The following TAFA1 variants were observed in gnomAD, a reference collection of about 807,000 sequenced individuals.
TAFA1 encodes the protein TAFA chemokine like family member 1.
Under a neutral mutation model 18.5 loss-of-function variants are expected in TAFA1, and 4 were observed. That is an observed-to-expected ratio of 0.22 (90% confidence interval 0.11 to 0.49). TAFA1 has a LOEUF of 0.49. Among genes scored for constraint, TAFA1 ranks in the 20% least tolerant of loss-of-function variants. The pLI is 0.98. For missense variants in TAFA1, 147 were observed against 169.0 expected (o/e 0.87, Z 0.72); for synonymous variants, 56 against 55.2 (o/e 1.01, Z -0.06).
intron 2 of TAFA1, among the ~76,000 whole-genome samples, chr3:68,008,633 GA>G (rs1704411190): frequency 6.6e-6 from 1 of 152,186 alleles, no homozygotes; most frequent in Non-Finnish European, 1.5e-5. Flanking sequence ...CTCAGGAGGC[GA>G]AAATGCCTCT....
chr3:68,026,928 T>A (rs1030380069), intron 2 of TAFA1, among the ~76,000 whole-genome samples: 2 of 152,128 alleles, frequency 1.3e-5, no homozygotes, highest in Non-Finnish European at 2.9e-5. Flanking sequence ...TTTCTGCTTC[T>A]GGGGAGGCCC....
At chr3:68,527,434 T>C (rs184003794) in intron 3 of TAFA1, among the ~76,000 whole-genome samples, 116 of 152,310 alleles carry the variant, frequency 7.6e-4, no homozygotes, top group African/African-American at 2.7e-3. Context: ...CTAATTGTTT[T>C]GTGTTTTATT....
At chr3:68,260,712 G>A (rs1264640536) in intron 2 of TAFA1, among the ~76,000 whole-genome samples, 1 of 152,240 alleles carries the variant, frequency 6.6e-6, no homozygotes, top group East Asian at 1.9e-4. Flanking sequence ...AAACTGGCTA[G>A]CCATATGTAG....
intron 2 of TAFA1, among the ~76,000 whole-genome samples, chr3:68,231,377 G>A (rs1455052540): frequency 9.5e-6 from 1 of 105,208 alleles, no homozygotes; most frequent in African/African-American, 3.9e-5. Flanking sequence ...TTTTTGAGAC[G>A]GAGTCTCGCT....
chr3:68,203,118 TTC>T (rs1405895197), intron 2 of TAFA1, among the ~76,000 whole-genome samples: 2 of 151,776 alleles, frequency 1.3e-5, no homozygotes, highest in African/African-American at 4.8e-5. Flanking sequence ...AATATTTCAT[TTC>T]TCTCTCTTTT....
intron 2 of TAFA1, among the ~76,000 whole-genome samples, chr3:68,333,831 A>T (rs2068923380): frequency 6.6e-6 from 1 of 152,206 alleles, no homozygotes; most frequent in African/African-American, 2.4e-5. Flanking sequence ...CTTACAAAAG[A>T]AGGAAATTCT....
At chr3:68,032,274 A>G (rs185210222) in intron 2 of TAFA1, among the ~76,000 whole-genome samples, 19 of 152,350 alleles carry the variant, frequency 1.2e-4, no homozygotes, top group Non-Finnish European at 1.9e-4. Flanking sequence ...TAAAGTATGG[A>G]GAAGAAATGT....
intron 3 of TAFA1, among the ~76,000 whole-genome samples, chr3:68,467,291 G>A (rs2071906992): frequency 6.6e-6 from 1 of 152,156 alleles, no homozygotes; most frequent in South Asian, 2.1e-4. Flanking sequence ...AGGATTAAGA[G>A]ATTAAAGTAA....
rs1469347004 is a variant in TAFA1, at chr3:68,544,411, T to C, written c.385-75T>C. The C allele has an allele frequency of 3.4e-6, 5 of 1,466,900 alleles. No homozygotes were observed. The African/African-American group carries it at 4.2e-5, about 12-fold the overall frequency. The allele number at this position is 1,466,900 out of a possible 1,614,324, so 90.9% of individuals were successfully genotyped here. A position where few individuals can be genotyped will look rare whatever the true frequency, so the allele number is the denominator to read the frequency against. On this transcript the variant is annotated intron_variant, in intron 4 of 4. Coordinates refer to ENST00000478136, the MANE Select transcript of TAFA1 (RefSeq NM_213609.4). Reference sequence around the variant, plus strand: ...CTAAAGATTCAAGGTGTCCTCCTTTTCTACATAATCACATTTCTTTGTGCC... The same window carrying C: ...CTAAAGATTCAAGGTGTCCTCCTTTCCTACATAATCACATTTCTTTGTGCC...
At chr3:68,306,567 T>G (rs1414429941) in intron 2 of TAFA1, among the ~76,000 whole-genome samples, 2 of 152,236 alleles carry the variant, frequency 1.3e-5, no homozygotes, top group Non-Finnish European at 2.9e-5. Flanking sequence ...CTGAACAGTT[T>G]CAATTTGGTC....
intron 2 of TAFA1, among the ~76,000 whole-genome samples, chr3:68,244,773 A>G (rs2067044587): frequency 6.6e-6 from 1 of 152,342 alleles, no homozygotes; most frequent in Non-Finnish European, 1.5e-5. Context: ...TGCCAGGCAT[A>G]TTTCTAAGCA....
intron 3 of TAFA1, among the ~76,000 whole-genome samples, chr3:68,420,467 G>T (rs908294586): frequency 1.3e-5 from 2 of 152,074 alleles, no homozygotes; most frequent in Non-Finnish European, 2.9e-5. Context: ...CAACCCTCCT[G>T]CCCAGGCCTA....
chr3:68,324,782 T>C (rs757089274), intron 2 of TAFA1, among the ~76,000 whole-genome samples: 4 of 152,178 alleles, frequency 2.6e-5, no homozygotes, highest in Non-Finnish European at 4.4e-5. Context: ...GATATCTTAT[T>C]TTTATAAGTA....
intron 2 of TAFA1, among the ~76,000 whole-genome samples, chr3:68,334,616 C>A (rs1010246248): frequency 1.3e-5 from 2 of 152,102 alleles, no homozygotes; most frequent in African/African-American, 4.8e-5. Flanking sequence ...GCATTTTTAA[C>A]AATCTCTGAA....
intron 2 of TAFA1, among the ~76,000 whole-genome samples, chr3:68,219,171 T>TA (rs552847507): frequency 6.6e-6 from 1 of 151,926 alleles, no homozygotes; most frequent in Admixed American, 6.6e-5. Context: ...TACTATATCT[T>TA]AAAAAAAATA....
chr3:68,194,029 G>A (rs2066380548), intron 2 of TAFA1, among the ~76,000 whole-genome samples: 2 of 151,804 alleles, frequency 1.3e-5, no homozygotes, highest in Admixed American at 1.3e-4. Flanking sequence ...GACTTGGGCT[G>A]AAAGACTAAT....
intron 2 of TAFA1, among the ~76,000 whole-genome samples, chr3:68,068,199 T>C (rs1031779761): frequency 6.6e-6 from 1 of 152,210 alleles, no homozygotes; most frequent in Admixed American, 6.5e-5. Context: ...AGATGAAAGA[T>C]AAGTTAAATA....
chr3:68,204,146 G>T (rs2066499343), intron 2 of TAFA1, among the ~76,000 whole-genome samples: 2 of 151,696 alleles, frequency 1.3e-5, no homozygotes, highest in African/African-American at 4.8e-5. Flanking sequence ...ACAGGATTTT[G>T]CCCTGTGACC....
At chr3:68,537,106 G>A (rs778786672) in intron 3 of TAFA1, among the ~76,000 whole-genome samples, 5 of 152,178 alleles carry the variant, frequency 3.3e-5, no homozygotes, top group South Asian at 2.1e-4. Context: ...AGAGTATTGA[G>A]GCATTTGTCC....
Sources: gnomAD v4.1 joint callset for allele counts (sites outside exome capture counted in the v4.1 genomes callset) on GRCh38, gnomAD v4.1.1 for gene constraint, MANE v1.5 for transcripts, NCBI Gene and HGNC (gene_info 2026-07-23, HGNC 2026-07-21) for gene names.